The following KIF6 variants were observed in gnomAD, a reference collection of about 807,000 sequenced individuals.
KIF6 encodes the protein kinesin family member 6.
Under a neutral mutation model 112.7 loss-of-function variants are expected in KIF6, and 106 were observed. That is an observed-to-expected ratio of 0.94 (90% CI 0.80 to 1.11). KIF6 has a LOEUF of 1.11. Ranked by LOEUF, KIF6 falls within the 50% of genes least tolerant of loss-of-function variation. The probability of loss-of-function intolerance (pLI) is 0.00; values close to 1 mark genes in which losing one functional copy is unlikely to be tolerated. For synonymous variants in KIF6, 339 were observed against 339.9 expected, an observed-to-expected ratio of 1.00 and a Z score of 0.03; for missense variants, 929 against 964.0, an observed-to-expected ratio of 0.96 and a Z score of 0.48.
chr6:39,421,836 C>T (rs1389692555), intron 14 of KIF6, among the ~76,000 whole-genome samples: 1 of 152,184 alleles, frequency 6.6e-6, no homozygotes, highest in Non-Finnish European at 1.5e-5. Flanking sequence ...TTACATGATG[C>T]ACAGGTCACT....
chr6:39,441,761 G>A (rs1032098627), intron 13 of KIF6, among the ~76,000 whole-genome samples: 1 of 152,190 alleles, frequency 6.6e-6, no homozygotes, highest in African/African-American at 2.4e-5. Context: ...TTCTGGAATG[G>A]GCTAGTGCCC....
At chr6:39,409,748 T>C (rs1769346555) in intron 15 of KIF6, among the ~76,000 whole-genome samples, 1 of 152,188 alleles carries the variant, frequency 6.6e-6, no homozygotes, top group Admixed American at 6.5e-5. Context: ...GGAGGGCTAT[T>C]CCCACCCTTG....
intron 3 of KIF6, among the ~76,000 whole-genome samples, chr6:39,652,388 G>T (rs148229913): frequency 6.6e-6 from 1 of 152,006 alleles, no homozygotes; most frequent in Non-Finnish European, 1.5e-5. Context: ...TTAGCCGGGC[G>T]TGGTGGCGTA....
At chr6:39,447,224 G>A (rs1772387549) in intron 13 of KIF6, among the ~76,000 whole-genome samples, 1 of 152,138 alleles carries the variant, frequency 6.6e-6, no homozygotes, top group Non-Finnish European at 1.5e-5. Flanking sequence ...TTGAGAAAAT[G>A]AATGTGACAG....
At chr6:39,533,456 G>A (rs1200866747) in intron 13 of KIF6, among the ~76,000 whole-genome samples, 3 of 152,212 alleles carry the variant, frequency 2.0e-5, no homozygotes, top group Non-Finnish European at 4.4e-5. Flanking sequence ...GCGAGGCTGG[G>A]GGAGGGGCGC....
chr6:39,679,689 C>T (rs1357278046), intron 3 of KIF6, among the ~76,000 whole-genome samples: 2 of 147,604 alleles, frequency 1.4e-5, no homozygotes, highest in Non-Finnish European at 3.0e-5. Context: ...AATCTCGGCT[C>T]ACTGTAACCT....
Position 39,600,802 on chromosome 6 carries a change from T to C in KIF6, c.640-4542A>G, listed in dbSNP as rs1782526314. On this transcript the variant is annotated intron_variant, in intron 6 of 22. Transcript: ENST00000287152. ...TGTAATAAAAATCACACACCAAAAATCTCAGAATTTGGTGTCAGATAACCT... is the reference window on the plus strand; with the variant it reads ...TGTAATAAAAATCACACACCAAAAACCTCAGAATTTGGTGTCAGATAACCT... Among the ~76,000 whole-genome samples the C allele has an allele frequency of 4.6e-5, 7 of 152,272 alleles. 1 individual carries two copies. The South Asian group carries it at 1.5e-3, about 32-fold the overall frequency.
intron 10 of KIF6, among the ~76,000 whole-genome samples, chr6:39,564,722 A>C (rs557496940): frequency 1.3e-5 from 2 of 152,226 alleles, no homozygotes; most frequent in Non-Finnish European, 2.9e-5. Context: ...CTGCGAACAC[A>C]AATTCATGTG....
chr6:39,471,241 T>G (rs1774102147), intron 13 of KIF6, among the ~76,000 whole-genome samples: 1 of 152,092 alleles, frequency 6.6e-6, no homozygotes, highest in Admixed American at 6.6e-5. Context: ...CCAAAGAAGG[T>G]TCTACTGAAC....
intron 22 of KIF6, among the ~76,000 whole-genome samples, chr6:39,339,356 G>A (rs541531341): frequency 6.6e-6 from 1 of 152,242 alleles, no homozygotes; most frequent in Admixed American, 6.5e-5. Flanking sequence ...GGCTTGGGGA[G>A]GTGACCTGCC....
At chr6:39,532,625 T>C (rs149804575) in intron 13 of KIF6, among the ~76,000 whole-genome samples, 23 of 152,146 alleles carry the variant, frequency 1.5e-4, no homozygotes, top group African/African-American at 5.5e-4. Flanking sequence ...CAAGGAGAAA[T>C]GGAATTAAGA....
At chr6:39,674,974 C>T (rs770000031) in intron 3 of KIF6, among the ~76,000 whole-genome samples, 3 of 151,826 alleles carry the variant, frequency 2.0e-5, no homozygotes, top group Non-Finnish European at 4.4e-5. Context: ...TGTAAAATGA[C>T]TCAGACTTTC....
chr6:39,347,084 T>C (rs981570850), intron 19 of KIF6, among the ~76,000 whole-genome samples: 6 of 152,232 alleles, frequency 3.9e-5, no homozygotes, highest in African/African-American at 1.4e-4. Context: ...CATTTAATCC[T>C]CTCAATGACC....
intron 13 of KIF6, among the ~76,000 whole-genome samples, chr6:39,497,458 C>T (rs1775851688): frequency 6.6e-6 from 1 of 152,170 alleles, no homozygotes; most frequent in Non-Finnish European, 1.5e-5. Flanking sequence ...TTTTTAACTT[C>T]CCAAGATCCT....
chr6:39,491,515 G>A (rs1039802701), intron 13 of KIF6, among the ~76,000 whole-genome samples: 4 of 152,146 alleles, frequency 2.6e-5, no homozygotes, highest in Non-Finnish European at 5.9e-5. Flanking sequence ...TATGTTTGGA[G>A]TTATTTGTTA....
At chr6:39,467,619 T>A (rs912626193) in intron 13 of KIF6, among the ~76,000 whole-genome samples, 1 of 152,092 alleles carries the variant, frequency 6.6e-6, no homozygotes, top group Non-Finnish European at 1.5e-5. Context: ...AAATTAGACT[T>A]CACTGAGATA....
chr6:39,598,494 T>C (rs1035557676), intron 6 of KIF6, among the ~76,000 whole-genome samples: 1 of 152,072 alleles, frequency 6.6e-6, no homozygotes, highest in Non-Finnish European at 1.5e-5. Flanking sequence ...TGTGGCGAAG[T>C]TCCAAATACA....
intron 3 of KIF6, among the ~76,000 whole-genome samples, chr6:39,668,040 T>C (rs1295857172): frequency 6.6e-6 from 1 of 152,126 alleles, no homozygotes; most frequent in African/African-American, 2.4e-5. Context: ...CTCCAGCTTT[T>C]TTCACAGAAG....
At chr6:39,387,273 G>A (rs1459823578) in intron 15 of KIF6, among the ~76,000 whole-genome samples, 2 of 152,176 alleles carry the variant, frequency 1.3e-5, no homozygotes, top group Admixed American at 1.3e-4. Flanking sequence ...CACAGAAAAA[G>A]ATCCTCTGTC....
Sources: gnomAD v4.1 joint callset for allele counts (sites outside exome capture counted in the v4.1 genomes callset) on GRCh38, gnomAD v4.1.1 for gene constraint, MANE v1.5 for transcripts, NCBI Gene and HGNC (gene_info 2026-07-23, HGNC 2026-07-21) for gene names.